DAGLB: variants seen among roughly 807,000 people sequenced by gnomAD.
DAGLB encodes diacylglycerol lipase beta.
In DAGLB, 66 loss-of-function variants were observed where a neutral mutation model predicts 72.1. The observed-to-expected ratio is 0.92, with a 90% confidence interval of 0.75 to 1.12. The LOEUF is 1.12. Among genes scored for constraint, DAGLB ranks in the 50% most tolerant of loss-of-function variants. DAGLB has a pLI of 0.00. For missense variants in DAGLB, 1,065 were observed against 884.9 expected (o/e 1.20, Z -2.58); for synonymous variants, 414 against 359.5 (o/e 1.15, Z -1.71).
chr7:6,421,924 G>T, intron 8 of DAGLB, 120 bp from the exon 9 acceptor site: 1 of 1,129,944 alleles, frequency 8.8e-7, no homozygotes, highest in Non-Finnish European at 1.3e-6. Context: ...CCATCTCCTA[G>T]TTCGGTCCTG....
At chr7:6,424,043 C>T (rs1263665168) in intron 8 of DAGLB, among the ~76,000 whole-genome samples, 1 of 150,540 alleles carries the variant, frequency 6.6e-6, no homozygotes, top group Non-Finnish European at 1.5e-5. Context: ...AGGGGGGCTA[C>T]CCCAGAGCCA....
intron 2 of DAGLB, among the ~76,000 whole-genome samples, chr7:6,445,319 TA>T (rs562718971): frequency 2.0e-5 from 3 of 152,224 alleles, no homozygotes; most frequent in Non-Finnish European, 4.4e-5. Flanking sequence ...TGATACATGC[TA>T]AAACATCGAT....
chr7:6,411,183 A>G (rs1170213391), intron 13 of DAGLB, among the ~76,000 whole-genome samples: 2 of 149,362 alleles, frequency 1.3e-5, no homozygotes, highest in Non-Finnish European at 3.0e-5. Flanking sequence ...AATTTTTTGT[A>G]TTTTTAGTAG....
chr7:6,412,988 G>C lies in DAGLB; in HGVS notation c.1474C>G (p.Leu492Val). The C allele has an allele frequency of 1.2e-6, 2 of 1,613,972 alleles. No homozygotes were observed. Among genetic ancestry groups the C allele is most frequent in the Non-Finnish European group, 1.7e-6 (2 of 1,179,940 alleles). Residue 492 changes from leucine to valine, a missense_variant, in exon 12 of 15, where the codon CTG becomes GTG. Transcript: ENST00000297056. ...TACCTGGGAATCACATCCTTCCCCA[G>C]GACGAGTGACACGATGAAGCTCTGA... ...YSQSFIVSLVLGKDVIPRLSV... is the reference protein window; with the variant it reads ...YSQSFIVSLVVGKDVIPRLSV...
intron 6 of DAGLB, 40 bp downstream of exon 6, chr7:6,430,440 G>A (rs755385569): frequency 6.4e-6 from 9 of 1,412,506 alleles, no homozygotes; most frequent in Non-Finnish European, 6.5e-6. Flanking sequence ...TTTTTTTTAA[G>A]GGAAATATGG....
rs1783644134 is a variant in DAGLB, at chr7:6,409,506, T to A, written c.*331A>T. ...GGCTAAGGAACTGTTCACGGTCTTCTGGGTGGGCCCTGGATTCCCGCACTT... is the reference window on the plus strand; with the variant it reads ...GGCTAAGGAACTGTTCACGGTCTTCAGGGTGGGCCCTGGATTCCCGCACTT... On this transcript the variant is annotated 3_prime_UTR_variant, in exon 15 of 15. Transcript: ENST00000297056. 5.6e-6 allele frequency: 2 copies of A among 359,152 alleles called. No homozygotes were observed. The allele number at this position is 359,152 out of a possible 1,614,324, so 22.2% of individuals were successfully genotyped here.
In DAGLB at chr7:6,421,313, AGCG is replaced by A. The variant is rs563907604; in HGVS notation, c.1218+411_1218+413del. 8.2e-4 allele frequency among the ~76,000 whole-genome samples: 93 copies of A among 113,702 alleles called. 1 individual carries two copies. The highest frequency in any genetic ancestry group is 3.2e-3 in the African/African-American group (84 of 26,124). The allele number at this position is 113,702 out of a possible 152,430, so 74.6% of individuals were successfully genotyped here. On this transcript the variant is annotated intron_variant, in intron 9 of 14. Transcript: ENST00000297056. Reference sequence around the variant, plus strand: ...CCCAGGGCTGCTGTGAGAATCAGGCAGCGCGGGAGGCGCAGGCAGCGCGGGAGG... The same window carrying A: ...CCCAGGGCTGCTGTGAGAATCAGGCACGGGAGGCGCAGGCAGCGCGGGAGG...
Position 6,410,232 on chromosome 7 carries a change from T to A in DAGLB, c.1718A>T (p.Tyr573Phe). The A allele has an allele frequency of 6.2e-7, 1 of 1,612,020 alleles. No individual in the cohort carries two copies. Among genetic ancestry groups the A allele is most frequent in the South Asian group, 1.1e-5 (1 of 90,712 alleles). Residue 573 changes from tyrosine (Y) to phenylalanine (F), a missense_variant, in exon 14 of 15, where the codon TAC becomes TTC. Transcript: ENST00000297056. ...QSLLTRWSPA[Y>F]SFSSDSPLDS... ...CAGTGGGGAGTCGCTGGAGAAGCTGTAGGCCGGGGACCAGCGCGTCAGTAG... is the reference window on the plus strand; with the variant it reads ...CAGTGGGGAGTCGCTGGAGAAGCTGAAGGCCGGGGACCAGCGCGTCAGTAG...
intron 1 of DAGLB, among the ~76,000 whole-genome samples, chr7:6,446,772 G>A (rs1031483526): frequency 6.6e-6 from 1 of 151,122 alleles, no homozygotes; most frequent in Non-Finnish European, 1.5e-5. Flanking sequence ...ACTTTGGGAG[G>A]CCAAGGCAGG....
chr7:6,416,440 G>T, intron 11 of DAGLB, 187 bp downstream of exon 11: 1 of 750,348 alleles, frequency 1.3e-6, no homozygotes, highest in Non-Finnish European at 2.0e-6. Flanking sequence ...CAACTCGGGA[G>T]GCTGAGGCAG....
chr7:6,410,030 C>A lies in DAGLB; in HGVS notation c.1826G>T (p.Gly609Val), dbSNP rs774094907. The A allele has an allele frequency of 6.2e-7, 1 of 1,612,600 alleles. No individual in the cohort carries two copies. Among genetic ancestry groups the A allele is most frequent in the Non-Finnish European group, 8.5e-7 (1 of 1,179,140 alleles). ...GCTATAGTGAGCAGCAGAGCAGCAGCCAAACCTGAAGCAGAAAAGGAGAGA... is the reference window on the plus strand; with the variant it reads ...GCTATAGTGAGCAGCAGAGCAGCAGACAAACCTGAAGCAGAAAAGGAGAGA... ...LQEEGASGRF[G>V]CCSAAHYSAK... The change falls in exon 15 of 15, where the codon GGC (glycine) becomes GTC (valine). Residue 609 changes from glycine (G) to valine (V), a missense_variant. Coordinates refer to ENST00000297056, the MANE Select transcript of DAGLB (RefSeq NM_139179.4).
In DAGLB at chr7:6,447,880, G is replaced by T. The variant is rs1040156239; in HGVS notation, c.-38C>A. On this transcript the variant is annotated 5_prime_UTR_variant, in exon 1 of 15. Coordinates refer to ENST00000297056, the MANE Select transcript of DAGLB (RefSeq NM_139179.4). Reference sequence around the variant, plus strand: ...GTAGCTCGCACTCAGGAGAGACCCCGCGCGCCGTTCACCGAGAACAAACCA... The same window carrying T: ...GTAGCTCGCACTCAGGAGAGACCCCTCGCGCCGTTCACCGAGAACAAACCA... The T allele has an allele frequency of 6.4e-7, 1 of 1,568,406 alleles. No individual in the cohort carries two copies. Among genetic ancestry groups the T allele is most frequent in the African/African-American group, 1.4e-5 (1 of 73,376 alleles).
At chr7:6,435,600 C>CTGGGCAGAGTTG (rs1784629696) in intron 3 of DAGLB, 2 of 155,216 alleles carry the variant, frequency 1.3e-5, no homozygotes, top group African/African-American at 4.8e-5. Flanking sequence ...GCAGCCTGCG[C>CTGGGCAGAGTTG]CCGGATGCAG....
intron 6 of DAGLB, among the ~76,000 whole-genome samples, chr7:6,427,091 G>C (rs1053411111): frequency 6.6e-6 from 1 of 152,160 alleles, no homozygotes; most frequent in Non-Finnish European, 1.5e-5. Context: ...CTAGGTGACA[G>C]AGTGAGACTC....
rs188832250 is a variant in DAGLB at position 6,429,626 on chromosome 7, G to C, written c.929+854C>G. On this transcript the variant is annotated intron_variant, in intron 6 of 14. Coordinates refer to ENST00000297056, the MANE Select transcript of DAGLB (RefSeq NM_139179.4). ...AACATACAAAAATTACCTGAGACCG[G>C]GCCTGGTGGCTGACGCCTGTAATCT... 2.0e-3 allele frequency among the ~76,000 whole-genome samples: 302 copies of C among 152,050 alleles called. 2 individuals are homozygous for C. Among genetic ancestry groups the C allele is most frequent in the African/African-American group, 7.0e-3 (290 of 41,482 alleles).
chr7:6,427,315 G>C (rs539338596), intron 6 of DAGLB, among the ~76,000 whole-genome samples: 2 of 152,040 alleles, frequency 1.3e-5, no homozygotes, highest in African/African-American at 4.8e-5. Context: ...CAGACATGAT[G>C]TGGAGAAGCA....
intron 2 of DAGLB, 53 bp from the exon 3 acceptor site, chr7:6,436,586 GCTTC>G: frequency 6.2e-7 from 1 of 1,606,954 alleles, no homozygotes; most frequent in African/African-American, 1.3e-5. Context: ...GAGATGAAGA[GCTTC>G]CTTTTTGCAA....
intron 2 of DAGLB, among the ~76,000 whole-genome samples, chr7:6,441,755 G>A (rs1177410159): frequency 2.6e-5 from 4 of 152,048 alleles, no homozygotes; most frequent in Non-Finnish European, 5.9e-5. Context: ...AATGTTATGT[G>A]CAACAAACTG....
chr7:6,437,312 T>C (rs1160086504), intron 2 of DAGLB, among the ~76,000 whole-genome samples: 4 of 152,050 alleles, frequency 2.6e-5, no homozygotes, highest in Non-Finnish European at 5.9e-5. Flanking sequence ...GAGACCTACA[T>C]TGTTCTAGAC....
Sources: gnomAD v4.1 joint callset for allele counts (sites outside exome capture counted in the v4.1 genomes callset) on GRCh38, gnomAD v4.1.1 for gene constraint, MANE v1.5 for transcripts, NCBI Gene and HGNC (gene_info 2026-07-23, HGNC 2026-07-21) for gene names.